Variants in AGBL1 observed in about 807,000 individuals in gnomAD.
The protein encoded by AGBL1 is cytosolic carboxypeptidase 4.
Under a neutral mutation model 118.9 loss-of-function variants are expected in AGBL1, and 130 were observed. The observed-to-expected ratio is 1.09, with a 90% confidence interval of 0.95 to 1.26. The LOEUF (loss-of-function observed/expected upper bound fraction) is 1.26. AGBL1 is among the 50% of genes most tolerant of loss of function. The pLI, the probability that AGBL1 is intolerant of heterozygous loss-of-function variation, is 0.00. For synonymous variants in AGBL1, 555 were observed against 478.9 expected, an observed-to-expected ratio of 1.16 and a Z score of -2.08; for missense variants, 1,584 against 1,298.1, an observed-to-expected ratio of 1.22 and a Z score of -3.38.
Position 86,456,358 on chromosome 15 carries a change from T to C in AGBL1, c.2555+58812T>C, listed in dbSNP as rs183333156. On this transcript the variant is annotated intron_variant, in intron 18 of 22. Transcript: ENST00000614907. ...TTCTCTTTTCCTTCTCTTGAAAATA[T>C]GTTGGAAAAATCTAGCATGGGATTT... 1.3e-3 allele frequency among the ~76,000 whole-genome samples: 196 copies of C among 152,348 alleles called. 2 individuals carry two copies. Among genetic ancestry groups the C allele is most frequent in the Admixed American group, 9.7e-3 (149 of 15,294 alleles).
intron 21 of AGBL1, among the ~76,000 whole-genome samples, chr15:86,602,976 G>A (rs1425496437): frequency 6.6e-6 from 1 of 152,144 alleles, no homozygotes; most frequent in African/African-American, 2.4e-5. Flanking sequence ...CTGACATGTT[G>A]TTGGGTGTAG....
At chr15:86,600,860 A>C (rs977993777) in intron 21 of AGBL1, among the ~76,000 whole-genome samples, 1 of 152,200 alleles carries the variant, frequency 6.6e-6, no homozygotes, top group African/African-American at 2.4e-5. Context: ...TAAATCTTAA[A>C]CATTCTAAAC....
At chr15:86,388,681 A>C (rs1170167316) in intron 17 of AGBL1, among the ~76,000 whole-genome samples, 2 of 152,134 alleles carry the variant, frequency 1.3e-5, no homozygotes, top group South Asian at 4.1e-4. Flanking sequence ...TTCCTCTTAA[A>C]TCTATACAGG....
intron 5 of AGBL1, among the ~76,000 whole-genome samples, chr15:86,161,820 T>A (rs940637592): frequency 1.4e-4 from 21 of 152,352 alleles, no homozygotes; most frequent in African/African-American, 4.8e-4. Flanking sequence ...ACCTGCTCTG[T>A]AAGCCTCCTT....
intron 17 of AGBL1, among the ~76,000 whole-genome samples, chr15:86,318,981 G>C (rs1597725579): frequency 6.6e-6 from 1 of 152,068 alleles, no homozygotes; most frequent in South Asian, 2.1e-4. Context: ...CTTGCTACCA[G>C]CAAGGACATT....
chr15:86,981,339 A>G (rs1488464065), intron 23 of AGBL1, among the ~76,000 whole-genome samples: 1 of 152,228 alleles, frequency 6.6e-6, no homozygotes, highest in African/African-American at 2.4e-5. Context: ...TGCATCGTAC[A>G]GTCTCAGTCT....
At chr15:86,611,521 A>G (rs2084653757) in intron 21 of AGBL1, among the ~76,000 whole-genome samples, 1 of 152,186 alleles carries the variant, frequency 6.6e-6, no homozygotes, top group Non-Finnish European at 1.5e-5. Context: ...AGAAAGACTT[A>G]GAGGGAGGAA....
intron 22 of AGBL1, among the ~76,000 whole-genome samples, chr15:86,802,641 A>G (rs1422606267): frequency 1.3e-5 from 2 of 152,174 alleles, no homozygotes; most frequent in African/African-American, 2.4e-5. Context: ...GAATATGCAT[A>G]TCATTGTTTC....
At chr15:86,518,444 A>G (rs149505847) in intron 18 of AGBL1, among the ~76,000 whole-genome samples, 2 of 152,056 alleles carry the variant, frequency 1.3e-5, no homozygotes, top group Non-Finnish European at 2.9e-5. Context: ...CTATTCAGTG[A>G]CCCTTTAGTT....
At chr15:86,904,193 C>G (rs986023805) in intron 22 of AGBL1, among the ~76,000 whole-genome samples, 1 of 152,178 alleles carries the variant, frequency 6.6e-6, no homozygotes, top group African/African-American at 2.4e-5. Context: ...ATTTCCAGCT[C>G]TCAGCTGTTC....
intron 16 of AGBL1, among the ~76,000 whole-genome samples, chr15:86,285,372 A>T (rs552749957): frequency 1.2e-4 from 19 of 152,216 alleles, no homozygotes; most frequent in Admixed American, 2.0e-4. Context: ...CCCAAATCTC[A>T]TCTTGAATTT....
At chr15:86,792,742 G>A (rs1291059295) in intron 22 of AGBL1, among the ~76,000 whole-genome samples, 1 of 151,992 alleles carries the variant, frequency 6.6e-6, no homozygotes, top group Admixed American at 6.6e-5. Flanking sequence ...AGGAGCTCAG[G>A]ACCAGCCTGG....
intron 20 of AGBL1, among the ~76,000 whole-genome samples, chr15:86,548,172 T>C (rs563386664): frequency 6.8e-4 from 104 of 152,270 alleles, no homozygotes; most frequent in African/African-American, 2.5e-3. Context: ...CATCATGATA[T>C]CTACCAGCAG....
At chr15:86,397,199 A>G (rs1245168255) in intron 17 of AGBL1, among the ~76,000 whole-genome samples, 167 bp from the exon 18 acceptor site, 1 of 151,816 alleles carries the variant, frequency 6.6e-6, no homozygotes, top group East Asian at 1.9e-4. Flanking sequence ...AAAAGAGAAT[A>G]CAAGATAAAC....
chr15:86,871,350 A>T (rs1020890017), intron 22 of AGBL1, among the ~76,000 whole-genome samples: 1 of 152,206 alleles, frequency 6.6e-6, no homozygotes, highest in Non-Finnish European at 1.5e-5. Context: ...TTCAATAGGA[A>T]GCCCAGATAC....
At chr15:86,817,293 G>A (rs762601056) in intron 22 of AGBL1, among the ~76,000 whole-genome samples, 1,641 of 127,498 alleles carry the variant, frequency 0.013, 23 homozygotes, top group Middle Eastern at 0.04. Flanking sequence ...ACTCCATCTG[G>A]AAAAAAAAAA....
rs150666065 is a variant in AGBL1, at chr15:86,674,332, C to T, written c.3054C>T (p.Leu1018=). The T allele has an allele frequency of 1.6e-5, 26 of 1,612,236 alleles. No individual in the cohort carries two copies. The highest frequency in any genetic ancestry group is 8.4e-5 in the Admixed American group (5 of 59,794). The change falls in exon 22 of 23, where the codon CTC becomes CTT. Residue 1018 remains leucine (L), a synonymous_variant. Coordinates refer to ENST00000614907, the MANE Select transcript of AGBL1 (RefSeq NM_001386094.1). ...TGGGAGCCATGTTCTGTTTGGGCCT[C>T]CTCATCCTGGAGCTCAAATCTGCCA... is the stretch of plus-strand genomic sequence containing the variant. ...EEMGAMFCLG[L]LILELKSASC...
chr15:87,015,528 A>T (rs2081601055), intron 24 of AGBL1, among the ~76,000 whole-genome samples: 1 of 152,184 alleles, frequency 6.6e-6, no homozygotes, highest in Non-Finnish European at 1.5e-5. Flanking sequence ...GATTCATTGC[A>T]ACATTCATTC....
intron 19 of AGBL1, among the ~76,000 whole-genome samples, chr15:86,535,401 A>G (rs2142228778): frequency 6.6e-6 from 1 of 152,348 alleles, no homozygotes; most frequent in East Asian, 1.9e-4. Flanking sequence ...AGGCTACTAC[A>G]GCAAGCTCCT....
Sources: gnomAD v4.1 joint callset for allele counts (sites outside exome capture counted in the v4.1 genomes callset) on GRCh38, gnomAD v4.1.1 for gene constraint, MANE v1.5 for transcripts, NCBI Gene and HGNC (gene_info 2026-07-23, HGNC 2026-07-21) for gene names.